The following ROBO1 variants were observed in gnomAD, a reference collection of about 807,000 sequenced individuals.
ROBO1 encodes the protein roundabout homolog 1.
In ROBO1, 149 loss-of-function variants were observed where a neutral mutation model predicts 195.9. That is an observed-to-expected ratio of 0.76 (90% CI 0.67 to 0.87). ROBO1 has a LOEUF of 0.87. ROBO1 is among the 40% of genes least tolerant of loss of function. The pLI, the probability that ROBO1 is intolerant of heterozygous loss-of-function variation, is 0.00. For synonymous variants in ROBO1, 816 were observed against 733.2 expected, an observed-to-expected ratio of 1.11 and a Z score of -1.82; for missense variants, 1,933 against 2,068.3, an observed-to-expected ratio of 0.93 and a Z score of 1.27.
At chr3:79,433,135 C>T (rs202151600) in intron 2 of ROBO1, among the ~76,000 whole-genome samples, 1 of 152,026 alleles carries the variant, frequency 6.6e-6, no homozygotes, top group East Asian at 1.9e-4. Context: ...GGTATTAAGG[C>T]CAGTATCTAT....
chr3:78,839,171 A>G lies in ROBO1; in HGVS notation c.500-92271T>C, dbSNP rs546444823. Among the ~76,000 whole-genome samples, 13 of 152,262 alleles carry G rather than the reference A, an allele frequency of 8.5e-5. No individual in the cohort carries two copies. In the East Asian group the frequency reaches 2.3e-3, roughly 27 times the overall value. ...AAGCTAAGATTCATTGCATTGCATC[A>G]CAGTTGTCCAACATTCAAGACAAAA... On this transcript the variant is annotated intron_variant, in intron 4 of 30. Coordinates refer to ENST00000464233, the MANE Select transcript of ROBO1 (RefSeq NM_002941.4).
intron 10 of ROBO1, among the ~76,000 whole-genome samples, chr3:78,684,867 C>T (rs2081017037): frequency 1.3e-5 from 2 of 152,046 alleles, no homozygotes; most frequent in South Asian, 4.1e-4. Context: ...ATTCCTGCTT[C>T]TCTTCTTTTA....
intron 3 of ROBO1, among the ~76,000 whole-genome samples, chr3:78,959,888 G>A (rs1165810227): frequency 6.6e-6 from 1 of 152,162 alleles, no homozygotes; most frequent in African/African-American, 2.4e-5. Context: ...GGGTTAGCTT[G>A]GAGGTTGAAA....
intron 5 of ROBO1, among the ~76,000 whole-genome samples, chr3:78,742,747 T>C (rs2082563056): frequency 6.6e-6 from 1 of 152,186 alleles, no homozygotes. Flanking sequence ...GTTATTTATA[T>C]ATTAACATCT....
At chr3:79,627,469 C>G (rs772891070) in intron 1 of ROBO1, among the ~76,000 whole-genome samples, 3 of 152,084 alleles carry the variant, frequency 2.0e-5, no homozygotes, top group African/African-American at 7.2e-5. Flanking sequence ...TGAAATTGGA[C>G]CCCTCCCTTA....
At chr3:78,708,040 TAG>T (rs934778328) in intron 8 of ROBO1, among the ~76,000 whole-genome samples, 5 of 152,182 alleles carry the variant, frequency 3.3e-5, no homozygotes, top group African/African-American at 1.2e-4. Context: ...ACTCTGGTGA[TAG>T]AGAGTCACAA....
intron 8 of ROBO1, among the ~76,000 whole-genome samples, chr3:78,699,780 T>C (rs1260323533): frequency 2.6e-5 from 4 of 152,052 alleles, no homozygotes; most frequent in Non-Finnish European, 5.9e-5. Context: ...ACTGGCCTTC[T>C]TTCAGTCCTT....
intron 1 of ROBO1, among the ~76,000 whole-genome samples, chr3:79,663,826 G>T (rs1946398633): frequency 6.6e-6 from 1 of 151,894 alleles, no homozygotes; most frequent in African/African-American, 2.4e-5. Context: ...TTCTTTCTTT[G>T]TTGGTCTCTT....
At chr3:79,317,869 ACAC>A (rs1410821931) in intron 2 of ROBO1, among the ~76,000 whole-genome samples, 1 of 152,180 alleles carries the variant, frequency 6.6e-6, no homozygotes, top group Non-Finnish European at 1.5e-5. Flanking sequence ...ACACACACAC[ACAC>A]AATGAAATGC....
At chr3:79,619,579 T>C (rs1306253550) in intron 1 of ROBO1, among the ~76,000 whole-genome samples, 2 of 152,172 alleles carry the variant, frequency 1.3e-5, no homozygotes, top group Non-Finnish European at 2.9e-5. Flanking sequence ...GTTCCACGAC[T>C]AGCTCTCCCC....
intron 2 of ROBO1, among the ~76,000 whole-genome samples, chr3:79,304,442 C>A (rs2033129311): frequency 6.6e-6 from 1 of 152,220 alleles, no homozygotes; most frequent in East Asian, 1.9e-4. Context: ...TCTGTGAAAT[C>A]CCCACGATCA....
intron 4 of ROBO1, among the ~76,000 whole-genome samples, chr3:78,893,028 C>A (rs1042784731): frequency 2.0e-5 from 3 of 152,188 alleles, no homozygotes; most frequent in Non-Finnish European, 4.4e-5. Context: ...AAAGACCTCT[C>A]CCTTCTCCCA....
chr3:78,896,276 C>T (rs2037221005), intron 4 of ROBO1, among the ~76,000 whole-genome samples: 1 of 152,064 alleles, frequency 6.6e-6, no homozygotes, highest in African/African-American at 2.4e-5. Context: ...GAGATAGTAA[C>T]AACACTCAAC....
intron 30 of ROBO1, 117 bp downstream of exon 30, chr3:78,599,996 A>G (rs772436858): frequency 2.4e-6 from 2 of 829,018 alleles, no homozygotes; most frequent in Admixed American, 3.6e-5. Context: ...CATAGACATT[A>G]GAGTACTGAA....
intron 2 of ROBO1, among the ~76,000 whole-genome samples, chr3:79,469,886 G>C (rs1938172327): frequency 6.6e-6 from 1 of 151,884 alleles, no homozygotes; most frequent in African/African-American, 2.4e-5. Context: ...GCCAACTATT[G>C]GTCATTTAAA....
At chr3:78,893,039 T>A (rs1355707172) in intron 4 of ROBO1, among the ~76,000 whole-genome samples, 1 of 152,156 alleles carries the variant, frequency 6.6e-6, no homozygotes, top group East Asian at 1.9e-4. Flanking sequence ...CCTTCTCCCA[T>A]CCCATTGCCA....
intron 24 of ROBO1, among the ~76,000 whole-genome samples, chr3:78,632,621 C>T (rs912979085): frequency 2.6e-5 from 4 of 152,126 alleles, no homozygotes; most frequent in Admixed American, 2.0e-4. Context: ...TACCATCACG[C>T]ATCTTTACAT....
rs141796586 is a variant in ROBO1, at chr3:79,105,853, A to C, written c.172+19603T>G. On this transcript the variant is annotated intron_variant, in intron 3 of 30. Transcript: ENST00000464233. ...TTTGGCTACCAGTTGGTGTTTATGA[A>C]GCTCCTGCTGTGTATATAGGTTTGG... 3.8e-3 allele frequency among the ~76,000 whole-genome samples: 572 copies of C among 151,816 alleles called. 8 individuals carry two copies. The highest frequency in any genetic ancestry group is 0.013 in the African/African-American group (532 of 41,514).
At chr3:78,619,738 CTG>C (rs1009875470) in intron 26 of ROBO1, among the ~76,000 whole-genome samples, 4 of 152,026 alleles carry the variant, frequency 2.6e-5, no homozygotes, top group African/African-American at 9.7e-5. Context: ...ACAGAAATGA[CTG>C]GGCGTGGTGG....
Sources: gnomAD v4.1 joint callset for allele counts (sites outside exome capture counted in the v4.1 genomes callset) on GRCh38, gnomAD v4.1.1 for gene constraint, MANE v1.5 for transcripts, NCBI Gene and HGNC (gene_info 2026-07-23, HGNC 2026-07-21) for gene names.